Variants in ABCA4 observed in about 807,000 individuals in gnomAD.
The protein encoded by ABCA4 is retinal-specific phospholipid-transporting ATPase ABCA4.
In ABCA4, 196 loss-of-function variants were observed where a neutral mutation model predicts 263.7. That is an observed-to-expected ratio of 0.74 (90% CI 0.66 to 0.84). The LOEUF (loss-of-function observed/expected upper bound fraction) is 0.84. Ranked by LOEUF, ABCA4 falls within the 40% of genes least tolerant of loss-of-function variation. The probability of loss-of-function intolerance (pLI) is 0.00; values close to 1 mark genes in which losing one functional copy is unlikely to be tolerated. For missense variants in ABCA4, 2,792 were observed against 2,855.1 expected (o/e 0.98, Z 0.50); for synonymous variants, 1,133 against 1,094.2 (o/e 1.04, Z -0.70).
At position 94,031,989 on chromosome 1, in the gene ABCA4, G is replaced by A. The variant is rs1660219224; in HGVS notation, c.3917C>T (p.Pro1306Leu). Reference protein sequence around the residue: ...NVNPRHPCLGPREKAGQTPQD... With the variant: ...NVNPRHPCLGLREKAGQTPQD... Reference sequence around the variant, plus strand: ...GGGTGTCTGTCCAGCCTTCTCTCTGGGACCCAAGCAGGGGTGTCGGGGGTT... The same window carrying A: ...GGGTGTCTGTCCAGCCTTCTCTCTGAGACCCAAGCAGGGGTGTCGGGGGTT... Residue 1306 changes from proline (P) to leucine (L), a missense_variant, in exon 27 of 50, where the codon CCC becomes CTC. Coordinates refer to ENST00000370225, the MANE Select transcript of ABCA4 (RefSeq NM_000350.3). The A allele has an allele frequency of 1.2e-6, 2 of 1,613,938 alleles. No individual in the cohort carries two copies. The highest frequency in any genetic ancestry group is 4.5e-5 in the East Asian group (2 of 44,876).
intron 16 of ABCA4, among the ~76,000 whole-genome samples, 157 bp from the exon 17 acceptor site, chr1:94,051,855 A>G (rs1242322658): frequency 6.6e-6 from 1 of 152,216 alleles, no homozygotes; most frequent in Non-Finnish European, 1.5e-5. Flanking sequence ...GGCTCCCAGA[A>G]AGACTACCCC....
intron 47 of ABCA4, among the ~76,000 whole-genome samples, chr1:93,998,793 C>G (rs995924217): frequency 2.1e-5 from 3 of 145,322 alleles, no homozygotes; most frequent in African/African-American, 5.2e-5. Flanking sequence ...GGCTGGAGTA[C>G]AGTGGCATGA....
chr1:94,064,547 T>A (rs1043432836), intron 11 of ABCA4, among the ~76,000 whole-genome samples: 1 of 152,218 alleles, frequency 6.6e-6, no homozygotes, highest in Non-Finnish European at 1.5e-5. Context: ...GGTTCCCATC[T>A]GTGGCTGTGC....
At chr1:94,058,728 A>G (rs1206526018) in intron 14 of ABCA4, among the ~76,000 whole-genome samples, 4 of 152,190 alleles carry the variant, frequency 2.6e-5, no homozygotes, top group African/African-American at 7.2e-5. Context: ...TAGGACCACA[A>G]ACTTCTAGGA....
intron 19 of ABCA4, among the ~76,000 whole-genome samples, 162 bp from the exon 20 acceptor site, chr1:94,044,906 T>G (rs974263351): frequency 6.6e-6 from 1 of 152,122 alleles, no homozygotes; most frequent in African/African-American, 2.4e-5. Context: ...TTAGCACCAG[T>G]GTATACATCC....
intron 14 of ABCA4, among the ~76,000 whole-genome samples, chr1:94,057,351 G>A (rs558388233): frequency 7.2e-5 from 11 of 152,124 alleles, no homozygotes; most frequent in South Asian, 2.1e-4. Flanking sequence ...GCAAATCCTC[G>A]GTGAGAAGAG....
In ABCA4 at chr1:93,998,709, T is replaced by TTTTA. The variant is rs1403676752; in HGVS notation, c.6480-603_6480-600dup. On this transcript the variant is annotated intron_variant, in intron 47 of 49. Coordinates refer to ENST00000370225, the MANE Select transcript of ABCA4 (RefSeq NM_000350.3). ...GTCAAAGGTAGTTTTATTTATTTTA[T>TTTTA]TTTATTTATTTTATTTTATTTTATT... Among the ~76,000 whole-genome samples the TTTTA allele has an allele frequency of 2.1e-5, 3 of 141,970 alleles. No individual in the cohort carries two copies. The South Asian group carries it at 6.5e-4, about 31-fold the overall frequency. 93.1% of individuals were successfully genotyped at this position (141,970 alleles called of 152,430 possible). A position where few individuals can be genotyped will look rare whatever the true frequency, so the allele number is the denominator to read the frequency against.
At chr1:93,999,923 T>C (rs762616357) in intron 47 of ABCA4, among the ~76,000 whole-genome samples, 2 of 152,246 alleles carry the variant, frequency 1.3e-5, no homozygotes, top group Non-Finnish European at 2.9e-5. Flanking sequence ...CTATGCAGTG[T>C]CCAAGTTGTA....
chr1:94,037,987 G>A (rs1660388602), intron 24 of ABCA4, among the ~76,000 whole-genome samples: 1 of 152,252 alleles, frequency 6.6e-6, no homozygotes, highest in African/African-American at 2.4e-5. Flanking sequence ...ACACAAACCT[G>A]GAACCGGTGA....
At chr1:94,120,359 C>T (rs182505877) in intron 1 of ABCA4, among the ~76,000 whole-genome samples, 49 of 152,234 alleles carry the variant, frequency 3.2e-4, no homozygotes, top group African/African-American at 1.0e-3. Context: ...AGGAAATGTG[C>T]GTGATGGTTA....
chr1:94,065,768 T>G (rs3789405), intron 11 of ABCA4, among the ~76,000 whole-genome samples: 1 of 152,124 alleles, frequency 6.6e-6, no homozygotes, highest in African/African-American at 2.4e-5. Flanking sequence ...ACCACGCTGA[T>G]GAGATATTAA....
chr1:94,039,631 A>T (rs1436980016), intron 24 of ABCA4, among the ~76,000 whole-genome samples: 1 of 152,180 alleles, frequency 6.6e-6, no homozygotes, highest in African/African-American at 2.4e-5. Flanking sequence ...TGCCATCCAC[A>T]TGTGCAATCT....
At chr1:94,006,624 C>T (rs1237256425) in intron 43 of ABCA4, among the ~76,000 whole-genome samples, 1 of 152,238 alleles carries the variant, frequency 6.6e-6, no homozygotes, top group Non-Finnish European at 1.5e-5. Context: ...CAGCCATGAC[C>T]TGGCTTCACC....
intron 5 of ABCA4, among the ~76,000 whole-genome samples, chr1:94,101,460 G>A (rs1318832038): frequency 1.3e-5 from 2 of 152,146 alleles, no homozygotes; most frequent in South Asian, 2.1e-4. Context: ...GTCTAGTTTC[G>A]GTGAAAACCT....
intron 1 of ABCA4, among the ~76,000 whole-genome samples, chr1:94,114,076 G>T (rs1662682493): frequency 6.6e-6 from 1 of 152,204 alleles, no homozygotes; most frequent in Non-Finnish European, 1.5e-5. Context: ...GCTGGCCGGG[G>T]AATAGCAAGT....
intron 38 of ABCA4, 95 bp from the exon 39 acceptor site, chr1:94,011,480 G>T: frequency 6.3e-7 from 1 of 1,588,354 alleles, no homozygotes; most frequent in Non-Finnish European, 8.6e-7. Flanking sequence ...GGACAGCACA[G>T]GGCAAGGCCT....
chr1:94,051,747 C>T (rs765457296), intron 16 of ABCA4, 49 bp from the exon 17 acceptor site: 4 of 1,376,814 alleles, frequency 2.9e-6, no homozygotes, highest in Admixed American at 1.7e-5. Flanking sequence ...GTCTCCCTAT[C>T]CTACCTTACC....
chr1:94,014,939 T>C (rs777034494), intron 37 of ABCA4, among the ~76,000 whole-genome samples: 14 of 152,294 alleles, frequency 9.2e-5, no homozygotes, highest in Non-Finnish European at 5.9e-5. Context: ...GTGTATATAC[T>C]CTGTAAACTA....
intron 45 of ABCA4, 145 bp downstream of exon 45, chr1:94,001,713 G>A (rs527247471): frequency 5.8e-5 from 71 of 1,220,830 alleles, no homozygotes; most frequent in African/African-American, 3.3e-4. Flanking sequence ...TGGGCTGATC[G>A]CTCAAAATGA....
Sources: gnomAD v4.1 joint callset for allele counts (sites outside exome capture counted in the v4.1 genomes callset) on GRCh38, gnomAD v4.1.1 for gene constraint, MANE v1.5 for transcripts, NCBI Gene and HGNC (gene_info 2026-07-23, HGNC 2026-07-21) for gene names.